Variants in ARL14EP observed in about 807,000 individuals in gnomAD.
The protein encoded by ARL14EP is ARF like GTPase 14 effector protein.
In ARL14EP, 12 loss-of-function variants were observed where a neutral mutation model predicts 23.1. That is an observed-to-expected ratio of 0.52 (90% confidence interval 0.33 to 0.84). ARL14EP has a LOEUF of 0.84. Among genes scored for constraint, ARL14EP ranks in the 40% least tolerant of loss-of-function variants. ARL14EP has a pLI of 0.02. For missense variants in ARL14EP, 253 were observed against 307.3 expected (o/e 0.82, Z 1.32); for synonymous variants, 97 against 102.0 (o/e 0.95, Z 0.29).
At position 30,337,791 on chromosome 11, in the gene ARL14EP, A is replaced by G. The variant is rs1947345674; in HGVS notation, c.*996A>G. The G allele has an allele frequency of 3.9e-5, 6 of 152,250 alleles. No individual in the cohort carries two copies. The allele number at this position is 152,250 out of a possible 1,614,324, so 9.4% of individuals were successfully genotyped here. Reference sequence around the variant, plus strand: ...ATAAAAGATGCTTACTCAGTATGGTAAGTTACTTGCCAGAAAAAAAGGCAA... The same window carrying G: ...ATAAAAGATGCTTACTCAGTATGGTGAGTTACTTGCCAGAAAAAAAGGCAA... On this transcript the variant is annotated 3_prime_UTR_variant, in exon 4 of 4. Coordinates refer to ENST00000282032, the MANE Select transcript of ARL14EP (RefSeq NM_152316.3).
At chr11:30,327,733 C>T (rs12288274) in intron 1 of ARL14EP, among the ~76,000 whole-genome samples, 4,357 of 146,226 alleles carry the variant, frequency 0.03, 216 homozygotes, top group African/African-American at 0.1. Flanking sequence ...CTGAGGCAGG[C>T]GGATCACGAG....
Position 30,331,376 on chromosome 11 carries a change from T to G in ARL14EP, c.426+2T>G. ...CAGAAAAGGAAACCTGAGTCAGATG[T>G]ATGTGTAATAGTCATTTTTTTCTAC... is the stretch of plus-strand genomic sequence containing the variant. On this transcript the variant is annotated splice_donor_variant, in intron 2 of 3. Transcript: ENST00000282032. LOFTEE classifies it high-confidence loss of function. 1 of 1,613,866 alleles carries G rather than the reference T, an allele frequency of 6.2e-7. No homozygotes were observed. The highest frequency in any genetic ancestry group is 8.5e-7 in the Non-Finnish European group (1 of 1,179,820).
chr11:30,334,316 A>C (rs977151569), intron 3 of ARL14EP, among the ~76,000 whole-genome samples: 2 of 149,526 alleles, frequency 1.3e-5, no homozygotes, highest in Admixed American at 6.7e-5. Flanking sequence ...GCTGCGTTCA[A>C]GCGATTCTTC....
chr11:30,328,754 A>G (rs1590665898), intron 1 of ARL14EP: 1 of 151,938 alleles, frequency 6.6e-6, no homozygotes, highest in African/African-American at 2.4e-5. Flanking sequence ...TGCAGAAACC[A>G]TATCAAAATG....
chr11:30,331,249 C>T lies in ARL14EP; in HGVS notation c.301C>T (p.Leu101=). The T allele has an allele frequency of 6.2e-7, 1 of 1,614,014 alleles. No homozygotes were observed. The highest frequency in any genetic ancestry group is 1.1e-5 in the South Asian group (1 of 91,086). The stretch of plus-strand genomic sequence containing the variant: ...AATTGACTTAGATGATGCCACTTTT[C>T]TGAGTGCTAAATTTGGAAGACAGCT... ...HVIDLDDATF[L]SAKFGRQLVP... The change falls in exon 2 of 4, where the codon CTG becomes TTG. Residue 101 remains leucine, a synonymous_variant. Coordinates refer to ENST00000282032, the MANE Select transcript of ARL14EP (RefSeq NM_152316.3).
intron 1 of ARL14EP, among the ~76,000 whole-genome samples, chr11:30,325,407 G>A (rs1315009366): frequency 6.6e-6 from 1 of 152,170 alleles, no homozygotes. Context: ...GGATCCTTGA[G>A]TCTTACCTAA....
In ARL14EP at chr11:30,336,701, A is replaced by C; in HGVS notation, c.689A>C (p.Lys230Thr). The change falls in exon 4 of 4, where the codon AAG becomes ACG. Residue 230 changes from lysine to threonine, a missense_variant. Transcript: ENST00000282032. ...FYACPACGST[K>T]CGAECRCDRK... ...GCTTGTCCTGCCTGTGGTTCTACCA[A>C]GTGTGGAGCTGAATGCCGCTGTGAC... 3.1e-6 allele frequency: 5 copies of C among 1,614,154 alleles called. No homozygotes were observed. Among genetic ancestry groups the C allele is most frequent in the Non-Finnish European group, 4.2e-6 (5 of 1,180,036 alleles).
intron 3 of ARL14EP, 127 bp downstream of exon 3, chr11:30,333,120 A>C (rs1947298501): frequency 7.8e-7 from 1 of 1,282,138 alleles, no homozygotes; most frequent in Non-Finnish European, 1.1e-6. Flanking sequence ...AATTAGTAAA[A>C]ACCTATGAAG....
At chr11:30,326,466 A>T (rs1755851461) in intron 1 of ARL14EP, among the ~76,000 whole-genome samples, 1 of 152,238 alleles carries the variant, frequency 6.6e-6, no homozygotes, top group Non-Finnish European at 1.5e-5. Flanking sequence ...AACTTGCTGG[A>T]CTGTCATTTG....
intron 1 of ARL14EP, among the ~76,000 whole-genome samples, chr11:30,323,841 A>G (rs1057178222): frequency 6.6e-6 from 1 of 152,216 alleles, no homozygotes; most frequent in Non-Finnish European, 1.5e-5. Context: ...GAATGATAGT[A>G]CTTTCCTCAG....
Position 30,336,874 on chromosome 11 carries a change from A to G in ARL14EP, c.*79A>G. The G allele has an allele frequency of 1.5e-6, 2 of 1,302,958 alleles. No homozygotes were observed. The highest frequency in any genetic ancestry group is 2.9e-5 in the African/African-American group (2 of 68,408). 80.7% of individuals were successfully genotyped at this position (1,302,958 alleles called of 1,614,324 possible). On this transcript the variant is annotated 3_prime_UTR_variant, in exon 4 of 4. Transcript: ENST00000282032. ...TACTCTAAGATACATTTTAAGCTTGATTATCATATGACAAAGATTTTAAAA... is the reference window on the plus strand; with the variant it reads ...TACTCTAAGATACATTTTAAGCTTGGTTATCATATGACAAAGATTTTAAAA...
rs143599966 is a variant in ARL14EP, at chr11:30,337,353, T to C, written c.*558T>C. On this transcript the variant is annotated 3_prime_UTR_variant, in exon 4 of 4. Transcript: ENST00000282032. ...TTCAGTTCACGTACAGCAGAGCATGTAGTTATGCTGTCTCTCTGTCATCTA... is the reference window on the plus strand; with the variant it reads ...TTCAGTTCACGTACAGCAGAGCATGCAGTTATGCTGTCTCTCTGTCATCTA... 1.9e-5 allele frequency: 3 copies of C among 157,248 alleles called. No homozygotes were observed. Among genetic ancestry groups the C allele is most frequent in the Admixed American group, 1.8e-4 (3 of 16,250 alleles). 9.7% of individuals were successfully genotyped at this position (157,248 alleles called of 1,614,324 possible). A position where few individuals can be genotyped will look rare whatever the true frequency, so the allele number is the denominator to read the frequency against.
chr11:30,331,400 AC>A (rs1947282538), intron 2 of ARL14EP, 26 bp downstream of exon 2: 1 of 1,613,320 alleles, frequency 6.2e-7, no homozygotes, highest in African/African-American at 1.3e-5. Context: ...ATTTTTTTCT[AC>A]ATTGTGAATT....
Position 30,331,572 on chromosome 11 carries a change from C to T in ARL14EP, c.426+198C>T, listed in dbSNP as rs1349493699. On this transcript the variant is annotated intron_variant, in intron 2 of 3. Transcript: ENST00000282032. ...AAGATTGGGGGATAAAGAAAGTAGG[C>T]CTGGGAAAGTAATAATAAAATATGC... 4.2e-6 allele frequency: 6 copies of T among 1,422,784 alleles called. No homozygotes were observed. In the East Asian group the frequency reaches 1.5e-4, roughly 37 times the overall value. The allele number at this position is 1,422,784 out of a possible 1,614,324, so 88.1% of individuals were successfully genotyped here.
At position 30,337,074 on chromosome 11, in the gene ARL14EP, A is replaced by T. The variant is rs1333856814; in HGVS notation, c.*279A>T. 1.8e-5 allele frequency: 7 copies of T among 382,016 alleles called. No homozygotes were observed. Among genetic ancestry groups the T allele is most frequent in the Non-Finnish European group, 3.4e-5 (7 of 208,498 alleles). 23.7% of individuals were successfully genotyped at this position (382,016 alleles called of 1,614,324 possible). The stretch of plus-strand genomic sequence containing the variant: ...TTTCCCATGGGCACAAATTTCAGTG[A>T]CCTAGATTTAGTTTAAATACCAGTT... On this transcript the variant is annotated 3_prime_UTR_variant, in exon 4 of 4. Coordinates refer to ENST00000282032, the MANE Select transcript of ARL14EP (RefSeq NM_152316.3).
chr11:30,325,679 A>G (rs775805347), intron 1 of ARL14EP, among the ~76,000 whole-genome samples: 11 of 152,188 alleles, frequency 7.2e-5, no homozygotes, highest in Admixed American at 2.0e-4. Flanking sequence ...GGAGCAAATT[A>G]ATCTTTTCTT....
chr11:30,323,144 T>C lies in ARL14EP; in HGVS notation c.-122T>C, dbSNP rs1415698477. 2 of 152,886 alleles carry C rather than the reference T, an allele frequency of 1.3e-5. No homozygotes were observed. The highest frequency in any genetic ancestry group is 2.9e-5 in the Non-Finnish European group (2 of 68,668). 9.5% of individuals were successfully genotyped at this position (152,886 alleles called of 1,614,324 possible). The stretch of plus-strand genomic sequence containing the variant: ...ACTGGCTGGGAAGCGGTCGGTCGAG[T>C]GTGGCCTGTGTGGACTCGCATCTTG... On this transcript the variant is annotated 5_prime_UTR_variant, in exon 1 of 4. Coordinates refer to ENST00000282032, the MANE Select transcript of ARL14EP (RefSeq NM_152316.3).
At chr11:30,324,309 T>G (rs1394193527) in intron 1 of ARL14EP, among the ~76,000 whole-genome samples, 1 of 152,170 alleles carries the variant, frequency 6.6e-6, no homozygotes, top group Non-Finnish European at 1.5e-5. Flanking sequence ...AAAAGAGACA[T>G]CAGTTGACCT....
intron 3 of ARL14EP, among the ~76,000 whole-genome samples, chr11:30,335,856 C>G (rs532634120): frequency 1.3e-5 from 2 of 151,854 alleles, no homozygotes; most frequent in South Asian, 4.2e-4. Flanking sequence ...CGAAATGTGC[C>G]TGTAATTCAT....
Sources: allele counts gnomAD v4.1 joint callset (sites outside exome capture counted in the v4.1 genomes callset), GRCh38; gene constraint gnomAD v4.1.1; transcripts MANE v1.5; gene names NCBI Gene and HGNC (gene_info 2026-07-23, HGNC 2026-07-21).